The following WDR17 variants were observed in gnomAD, a reference collection of about 807,000 sequenced individuals.
WDR17 encodes WD repeat-containing protein 17.
WDR17 carries 143 observed loss-of-function variants against 161.7 expected under a neutral mutation model. The observed-to-expected ratio is 0.88, with a 90% CI of 0.77 to 1.02. The LOEUF (loss-of-function observed/expected upper bound fraction) is 1.02, where lower values mean the gene tolerates loss of function less well. Ranked by LOEUF, WDR17 falls within the 50% of genes least tolerant of loss-of-function variation. WDR17 has a pLI of 0.00. For synonymous variants in WDR17, 517 were observed against 515.6 expected (o/e 1.00, Z -0.04); for missense variants, 1,469 against 1,520.9 (o/e 0.97, Z 0.57).
In WDR17 at chr4:176,151,883, G is replaced by A. The variant is rs766583514; in HGVS notation, c.2376G>A (p.Glu792=). ...FGGGIGVPAK[E]ERLKEAAEIH... ...GTGGTATTGGTGTACCTGCTAAAGA[G>A]GAAAGACTGAAGGAAGCTGCTGAAA... The change falls in exon 17 of 29, where the codon GAG becomes GAA. Residue 792 remains glutamate (E), a synonymous_variant. Coordinates refer to ENST00000508596, the MANE Select transcript of WDR17 (RefSeq NM_181265.4). The A allele has an allele frequency of 4.3e-6, 7 of 1,613,144 alleles. No individual in the cohort carries two copies. The highest frequency in any genetic ancestry group is 3.3e-4 in the Middle Eastern group (2 of 6,056).
intron 1 of WDR17, among the ~76,000 whole-genome samples, chr4:176,105,514 A>T (rs2126673792): frequency 6.6e-6 from 1 of 151,842 alleles, no homozygotes; most frequent in South Asian, 2.1e-4. Flanking sequence ...ATCATACATT[A>T]TGTCTTCTCT....
chr4:176,094,156 A>G (rs1023990258), intron 1 of WDR17, among the ~76,000 whole-genome samples: 16 of 152,214 alleles, frequency 1.1e-4, no homozygotes, highest in African/African-American at 3.1e-4. Context: ...GCTTCCCCAC[A>G]AGGAATTGGA....
At chr4:176,104,060 C>T (rs966259996) in intron 1 of WDR17, among the ~76,000 whole-genome samples, 1 of 151,994 alleles carries the variant, frequency 6.6e-6, no homozygotes, top group Admixed American at 6.6e-5. Flanking sequence ...ATAGTATAAA[C>T]AGCAGATTTC....
At chr4:176,162,027 T>C in intron 20 of WDR17, 48 bp from the exon 21 acceptor site, 1 of 1,467,486 alleles carries the variant, frequency 6.8e-7, no homozygotes, top group Non-Finnish European at 9.3e-7. Flanking sequence ...TTTGCTTTTA[T>C]AATGGAATAC....
chr4:176,177,130 G>C lies in WDR17; in HGVS notation c.3522G>C (p.Trp1174Cys). The stretch of plus-strand genomic sequence containing the variant: ...ATCTTTCTGAGGAATTGGATGCATG[G>C]AGAGCTTGCACACAGTCCACCAACA... ...IEYLSEELDA[W>C]RACTQSTNRS... is the part of the protein sequence containing the mutation. Residue 1174 changes from tryptophan (W) to cysteine (C), a missense_variant, in exon 27 of 29, where the codon TGG becomes TGC. Trp to Cys is a radical substitution (Grantham distance 215, BLOSUM62 -2). Coordinates refer to ENST00000508596, the MANE Select transcript of WDR17 (RefSeq NM_181265.4). 6.2e-7 allele frequency: 1 copy of C among 1,613,702 alleles called. No individual in the cohort carries two copies. Among genetic ancestry groups the C allele is most frequent in the Non-Finnish European group, 8.5e-7 (1 of 1,179,768 alleles).
chr4:176,135,259 C>T lies in WDR17; in HGVS notation c.1250C>T (p.Ser417Phe). The change falls in exon 8 of 29, where the codon TCC (serine) becomes TTC (phenylalanine). Residue 417 changes from serine to phenylalanine, a missense_variant. Physicochemically the swap from Ser to Phe is radical, Grantham distance 155. Transcript: ENST00000508596. ...TSPGNEGVIY[S>F]LSWAPGGLNC... ...CCGGGTAATGAAGGTGTTATTTATTCCCTTTCTTGGGCTCCAGGTAAGAGA... is the reference window on the plus strand; with the variant it reads ...CCGGGTAATGAAGGTGTTATTTATTTCCTTTCTTGGGCTCCAGGTAAGAGA... 1 of 1,611,914 alleles carries T rather than the reference C, an allele frequency of 6.2e-7. No homozygotes were observed. The highest frequency in any genetic ancestry group is 8.5e-7 in the Non-Finnish European group (1 of 1,178,356).
intron 26 of WDR17, 22 bp from the exon 27 acceptor site, chr4:176,177,036 A>C: frequency 1.3e-6 from 2 of 1,574,312 alleles, no homozygotes; most frequent in Non-Finnish European, 1.7e-6. Context: ...ATCAGATGTT[A>C]ATTTCCTTTT....
intron 1 of WDR17, among the ~76,000 whole-genome samples, chr4:176,097,484 T>A (rs959600079): frequency 3.9e-5 from 6 of 151,992 alleles, no homozygotes; most frequent in African/African-American, 1.4e-4. Flanking sequence ...TTAAAGCCTT[T>A]TGGACTTTTT....
chr4:176,157,265 T>C (rs1397568258), intron 18 of WDR17, among the ~76,000 whole-genome samples: 2 of 152,220 alleles, frequency 1.3e-5, no homozygotes, highest in East Asian at 3.8e-4. Flanking sequence ...TAATTACCTT[T>C]CTTCTGACAT....
At chr4:176,151,997 G>A in intron 17 of WDR17, 30 bp downstream of exon 17, 1 of 1,592,588 alleles carries the variant, frequency 6.3e-7, no homozygotes, top group Non-Finnish European at 8.5e-7. Flanking sequence ...AAACTAATGA[G>A]TTTAACATAG....
Position 176,177,072 on chromosome 4 carries a change from G to T in WDR17, c.3464G>T (p.Arg1155Leu), listed in dbSNP as rs148628975. Reference protein sequence around the residue: ...LYEYTSQLLKRREVSVPLKIE... With the variant: ...LYEYTSQLLKLREVSVPLKIE... ...CACACGTTCAGTCAGCTATTAAAAC[G>T]TCGGGAGGTGTCAGTACCTTTAAAA... The change falls in exon 27 of 29, where the codon CGT (arginine) becomes CTT (leucine). Residue 1155 changes from arginine to leucine, a missense_variant. Transcript: ENST00000508596. 1.7e-4 allele frequency: 281 copies of T among 1,613,672 alleles called. No homozygotes were observed. The African/African-American group carries it at 3.3e-3, about 19-fold the overall frequency.
chr4:176,145,305 A>C (rs1446059382), intron 11 of WDR17, among the ~76,000 whole-genome samples: 1 of 152,238 alleles, frequency 6.6e-6, no homozygotes, highest in Non-Finnish European at 1.5e-5. Context: ...AGGTACAAGT[A>C]GTTGCTTAGC....
intron 3 of WDR17, among the ~76,000 whole-genome samples, chr4:176,116,410 T>G (rs893107375): frequency 1.3e-5 from 2 of 151,896 alleles, no homozygotes; most frequent in African/African-American, 4.8e-5. Flanking sequence ...TTATTTTTAA[T>G]TTGGTCAAGG....
intron 26 of WDR17, among the ~76,000 whole-genome samples, chr4:176,176,688 T>C (rs112401966): frequency 3.3e-4 from 51 of 152,340 alleles, no homozygotes; most frequent in African/African-American, 1.2e-3. Context: ...CCGTGTTCTC[T>C]TTCTGTCATT....
rs116117610 is a variant in WDR17 at position 176,127,103 on chromosome 4, G to A, written c.791-1635G>A. 5.8e-3 allele frequency among the ~76,000 whole-genome samples: 883 copies of A among 152,218 alleles called. 9 individuals are homozygous for A. Among genetic ancestry groups the A allele is most frequent in the African/African-American group, 0.02 (824 of 41,538 alleles). On this transcript the variant is annotated intron_variant, in intron 5 of 28. Coordinates refer to ENST00000508596, the MANE Select transcript of WDR17 (RefSeq NM_181265.4). ...AAAGTATACGAGAAAATATGCATAG[G>A]TTATATGCAAATAATATGCCACTTT...
In WDR17 at chr4:176,177,545, TAAAAG is replaced by T; in HGVS notation, c.3626_3630del (p.Lys1209ArgfsTer22). The T allele has an allele frequency of 6.2e-7, 1 of 1,601,886 alleles. No individual in the cohort carries two copies. Among genetic ancestry groups the T allele is most frequent in the South Asian group, 1.1e-5 (1 of 89,044 alleles). On this transcript the variant is annotated frameshift_variant, in exon 28 of 29. Coordinates refer to ENST00000508596, the MANE Select transcript of WDR17 (RefSeq NM_181265.4). LOFTEE classifies it high-confidence loss of function. ...ATTTATGCAACTTTATTAAAGAGAC[TAAAAG>T]AAGAGTCACTGAAAGGAATTATTGG...
At chr4:176,138,681 G>C (rs553960868) in intron 9 of WDR17, among the ~76,000 whole-genome samples, 5 of 151,852 alleles carry the variant, frequency 3.3e-5, no homozygotes, top group African/African-American at 9.6e-5. Flanking sequence ...TTACTCATTA[G>C]ATCAGTTGAT....
At chr4:176,103,236 C>T (rs775365054) in intron 1 of WDR17, among the ~76,000 whole-genome samples, 1 of 152,104 alleles carries the variant, frequency 6.6e-6, no homozygotes. Flanking sequence ...TTCAGAATAA[C>T]CCTGAGTAGT....
Position 176,172,461 on chromosome 4 carries a change from CTTG to C in WDR17, c.3192_3194del (p.Leu1065del), listed in dbSNP as rs769466730. 6.2e-7 allele frequency: 1 copy of C among 1,610,666 alleles called. No homozygotes were observed. Among genetic ancestry groups the C allele is most frequent in the Admixed American group, 1.7e-5 (1 of 59,006 alleles). On this transcript the variant is annotated inframe_deletion, in exon 24 of 29. Transcript: ENST00000508596. ...ATATATTTGAAACTGTAAAATATTA[CTTG>C]TTAAGTCAAGAACCTGAAAAAGCCC...
Sources: allele counts gnomAD v4.1 joint callset (sites outside exome capture counted in the v4.1 genomes callset), GRCh38; gene constraint gnomAD v4.1.1; transcripts MANE v1.5; gene names NCBI Gene and HGNC (gene_info 2026-07-23, HGNC 2026-07-21).